Variants in MARCHF10 observed in about 807,000 individuals in gnomAD.
The protein encoded by MARCHF10 is membrane associated ring-CH-type finger 10.
A neutral mutation model predicts 76.2 loss-of-function variants in MARCHF10; 64 were observed. The ratio of observed to expected loss-of-function variants is 0.84; its 90% CI spans 0.69 to 1.03. The LOEUF is 1.03. MARCHF10 is among the 50% of genes least tolerant of loss of function. The pLI is 0.00. For synonymous variants in MARCHF10, 340 were observed against 357.5 expected, an observed-to-expected ratio of 0.95 and a Z score of 0.55; for missense variants, 875 against 958.0, an observed-to-expected ratio of 0.91 and a Z score of 1.14.
In MARCHF10 at chr17:62,705,549, C is replaced by T. The variant is rs760638277; in HGVS notation, c.2361G>A (p.Glu787=). 1.2e-6 allele frequency: 2 copies of T among 1,614,152 alleles called. No individual in the cohort carries two copies. The highest frequency in any genetic ancestry group is 1.7e-6 in the Non-Finnish European group (2 of 1,180,018). ...GCCCCCAAAACCTACTTTCATTTTC[C>T]TCTGTTCTGGGTTGTGGGTAATTTC... ...LSRNYPQPRT[E]ENENSELGDG... is the part of the protein sequence containing the mutation. Residue 787 remains glutamate, a synonymous_variant, in exon 10 of 11, where the codon GAG becomes GAA. Transcript: ENST00000311269.
chr17:62,779,745 G>A (rs754532928), intron 3 of MARCHF10, among the ~76,000 whole-genome samples: 1 of 152,192 alleles, frequency 6.6e-6, no homozygotes, highest in African/African-American at 2.4e-5. Context: ...CTGGAGCTGT[G>A]CTGTGCCACA....
intron 2 of MARCHF10, among the ~76,000 whole-genome samples, chr17:62,797,974 A>T (rs762040014): frequency 6.6e-6 from 1 of 152,178 alleles, no homozygotes; most frequent in Non-Finnish European, 1.5e-5. Context: ...GAGACAGGGA[A>T]GGCTTAGACC....
intron 2 of MARCHF10, among the ~76,000 whole-genome samples, chr17:62,793,428 T>C (rs866550855): frequency 0.011 from 450 of 40,298 alleles, 3 homozygotes; most frequent in Middle Eastern, 0.045. Context: ...CCTCCATCAC[T>C]ACCACCACAA....
rs2091386989 is a variant in MARCHF10, at chr17:62,738,587, G to A, written c.536-1255C>T. Among the ~76,000 whole-genome samples the A allele has an allele frequency of 6.6e-6, 1 of 152,174 alleles. No homozygotes were observed. Among genetic ancestry groups the A allele is most frequent in the African/African-American group, 2.4e-5 (1 of 41,434 alleles). On this transcript the variant is annotated intron_variant, in intron 5 of 10. Coordinates refer to ENST00000311269, the MANE Select transcript of MARCHF10 (RefSeq NM_152598.4). This position sits in a 1 kb window ranked among gnomAD's most constrained non-coding sequence, Gnocchi z 4.0. ...CCACGGGCCCTGGAAGGTCTGTGTT[G>A]ATAACAGCTCGGGCTGGTGAAATGC...
Position 62,805,039 on chromosome 17 carries a change from C to T in MARCHF10, c.-18+3038G>A, listed in dbSNP as rs540759976. On this transcript the variant is annotated intron_variant, in intron 1 of 10. Transcript: ENST00000311269. ...AGTTATGAAATCTCACATGGTTTAT[C>T]ATCTGGCCCTGAACAATGGGGAAAA... The T allele has an allele frequency of 2.6e-5, 4 of 152,282 alleles. No individual in the cohort carries two copies. The East Asian group carries it at 5.8e-4, about 22-fold the overall frequency. 9.4% of individuals were successfully genotyped at this position (152,282 alleles called of 1,614,324 possible).
At chr17:62,731,887 TAG>T in intron 6 of MARCHF10, among the ~76,000 whole-genome samples, 1 of 152,278 alleles carries the variant, frequency 6.6e-6, no homozygotes, top group East Asian at 1.9e-4. Flanking sequence ...TTAAAAAGCA[TAG>T]AGTTTGGAAA....
intron 4 of MARCHF10, among the ~76,000 whole-genome samples, chr17:62,755,062 A>T (rs1224202430): frequency 6.6e-6 from 1 of 152,058 alleles, no homozygotes; most frequent in Non-Finnish European, 1.5e-5. Context: ...ACAATAATCC[A>T]CTCTACAGCT....
At chr17:62,803,187 C>T (rs2093105824) in intron 1 of MARCHF10, among the ~76,000 whole-genome samples, 1 of 135,240 alleles carries the variant, frequency 7.4e-6, no homozygotes, top group African/African-American at 3.3e-5. Context: ...TACTCAGAGG[C>T]TGAGGTGGGA....
chr17:62,741,943 C>A (rs570947416), intron 5 of MARCHF10, among the ~76,000 whole-genome samples: 2 of 152,166 alleles, frequency 1.3e-5, no homozygotes, highest in East Asian at 3.9e-4. Flanking sequence ...TGTGATCCAC[C>A]TGCCTCGGCC....
intron 3 of MARCHF10, among the ~76,000 whole-genome samples, chr17:62,772,161 T>C (rs554035168): frequency 2.6e-5 from 4 of 152,292 alleles, no homozygotes; most frequent in African/African-American, 7.2e-5. Context: ...ACAATTCCCA[T>C]GTGTCATGGG....
intron 2 of MARCHF10, among the ~76,000 whole-genome samples, chr17:62,791,392 C>A (rs2092839918): frequency 1.3e-5 from 2 of 152,176 alleles, no homozygotes; most frequent in African/African-American, 4.8e-5. Flanking sequence ...AGCAAATGCA[C>A]CAGGACCAAG....
At position 62,736,836 on chromosome 17, in the gene MARCHF10, TG is replaced by T; in HGVS notation, c.1031del (p.Ser344Ter). 1 of 1,614,084 alleles carries T rather than the reference TG, an allele frequency of 6.2e-7. No homozygotes were observed. The highest frequency in any genetic ancestry group is 2.2e-5 in the East Asian group (1 of 44,882). On this transcript the variant is annotated frameshift_variant, in exon 6 of 11. Transcript: ENST00000311269. LOFTEE classifies it high-confidence loss of function. The stretch of plus-strand genomic sequence containing the variant: ...AGCCATGACTGGGCTCACTTCTTCT[TG>T]AAGAATGACCTCTGCAATTTTCAGC... ...ENAENCRGHS[S>X]RRSEPSHGSL...
At chr17:62,727,763 T>C (rs2090832319) in intron 6 of MARCHF10, among the ~76,000 whole-genome samples, 1 of 152,132 alleles carries the variant, frequency 6.6e-6, no homozygotes, top group Non-Finnish European at 1.5e-5. Flanking sequence ...GATATGATGA[T>C]ATTGACGAGA....
intron 3 of MARCHF10, among the ~76,000 whole-genome samples, chr17:62,762,116 G>T (rs1306955481): frequency 6.6e-6 from 1 of 152,174 alleles, no homozygotes; most frequent in African/African-American, 2.4e-5. Flanking sequence ...GCCAGGGCCG[G>T]AATTCTTGGC....
chr17:62,802,656 G>C (rs2093095185), intron 1 of MARCHF10, among the ~76,000 whole-genome samples: 1 of 152,208 alleles, frequency 6.6e-6, no homozygotes, highest in African/African-American at 2.4e-5. Flanking sequence ...GGAGGGGTCA[G>C]GCAAGGTTTT....
At chr17:62,788,925 C>T (rs370882272) in intron 2 of MARCHF10, among the ~76,000 whole-genome samples, 70 of 151,312 alleles carry the variant, frequency 4.6e-4, no homozygotes, top group Admixed American at 1.1e-3. Context: ...TAGCCGGGCG[C>T]GGTGGCGGGC....
chr17:62,718,334 T>A (rs2090322797), intron 8 of MARCHF10, among the ~76,000 whole-genome samples: 1 of 152,196 alleles, frequency 6.6e-6, no homozygotes. Context: ...AGTGCAAACA[T>A]CTTAGTACAA....
At chr17:62,747,061 T>A in intron 4 of MARCHF10, 1 of 985,566 alleles carries the variant, frequency 1.0e-6, no homozygotes, top group Non-Finnish European at 1.5e-6. Context: ...AATGAGTATG[T>A]CTTTTCTCTC....
intron 3 of MARCHF10, among the ~76,000 whole-genome samples, chr17:62,782,964 G>A (rs1057190476): frequency 6.6e-6 from 1 of 152,172 alleles, no homozygotes; most frequent in East Asian, 1.9e-4. Flanking sequence ...AGAGAGCAAA[G>A]CAGAGGTGAA....
Sources: gnomAD v4.1 joint callset for allele counts (sites outside exome capture counted in the v4.1 genomes callset) on GRCh38, gnomAD v4.1.1 for gene constraint, Gnocchi (gnomAD v3.1) non-coding constraint, MANE v1.5 for transcripts, NCBI Gene and HGNC (gene_info 2026-07-23, HGNC 2026-07-21) for gene names.